The following PTPRG variants were observed in gnomAD, a reference collection of about 807,000 sequenced individuals.
PTPRG encodes the protein protein tyrosine phosphatase receptor type G.
In PTPRG, 102 loss-of-function variants were observed where a neutral mutation model predicts 165.3. That is an observed-to-expected ratio of 0.62 (90% CI 0.53 to 0.73). The LOEUF is 0.73. Ranked by LOEUF, PTPRG falls within the 30% of genes least tolerant of loss-of-function variation. The pLI is 0.00. For synonymous variants in PTPRG, 675 were observed against 669.5 expected (o/e 1.01, Z -0.13); for missense variants, 1,866 against 1,861.4 (o/e 1.00, Z -0.05).
intron 1 of PTPRG, among the ~76,000 whole-genome samples, chr3:61,582,945 C>T (rs1045692261): frequency 1.3e-5 from 2 of 152,032 alleles, no homozygotes; most frequent in South Asian, 2.1e-4. Flanking sequence ...TGTTCAGGAG[C>T]GATAGAATAA....
intron 2 of PTPRG, among the ~76,000 whole-genome samples, chr3:61,847,005 T>C (rs905763767): frequency 6.6e-6 from 1 of 152,170 alleles, no homozygotes; most frequent in Non-Finnish European, 1.5e-5. Context: ...TTCAAATAGA[T>C]GGAAAAATAA....
At chr3:61,876,205 T>C (rs540026011) in intron 2 of PTPRG, among the ~76,000 whole-genome samples, 1 of 152,302 alleles carries the variant, frequency 6.6e-6, no homozygotes, top group African/African-American at 2.4e-5. Context: ...GATTGAGGGA[T>C]ATTCTACAGT....
chr3:61,836,600 A>G (rs888483399), intron 2 of PTPRG, among the ~76,000 whole-genome samples: 2 of 152,226 alleles, frequency 1.3e-5, no homozygotes, highest in African/African-American at 2.4e-5. Context: ...TAGGAATATC[A>G]GATAATAATA....
chr3:61,609,635 T>C (rs1031142926), intron 1 of PTPRG, among the ~76,000 whole-genome samples: 3 of 152,140 alleles, frequency 2.0e-5, no homozygotes, highest in African/African-American at 7.2e-5. Context: ...GTTGGGTGGA[T>C]TGCTTGAGCC....
chr3:61,983,878 G>A (rs554934378), intron 2 of PTPRG, among the ~76,000 whole-genome samples: 1 of 152,226 alleles, frequency 6.6e-6, no homozygotes, highest in Admixed American at 6.5e-5. Flanking sequence ...CAACATTAAG[G>A]TGTTTCTCTC....
intron 2 of PTPRG, among the ~76,000 whole-genome samples, chr3:61,988,059 C>T (rs73085498): frequency 5.3e-5 from 8 of 152,142 alleles, no homozygotes; most frequent in Admixed American, 1.3e-4. Context: ...GAACTTTTTC[C>T]GGATAGTAGC....
intron 1 of PTPRG, among the ~76,000 whole-genome samples, chr3:61,636,650 T>C (rs910329763): frequency 6.6e-6 from 1 of 152,272 alleles, no homozygotes; most frequent in African/African-American, 2.4e-5. Flanking sequence ...ATTTATTTTA[T>C]GGACAAATAA....
At chr3:61,690,540 C>A (rs538665012) in intron 1 of PTPRG, among the ~76,000 whole-genome samples, 37 of 152,332 alleles carry the variant, frequency 2.4e-4, no homozygotes, top group African/African-American at 8.9e-4. Context: ...ACATTCACCA[C>A]AACTAACTGT....
intron 5 of PTPRG, chr3:62,124,414 C>A (rs1000616321): frequency 5.1e-5 from 82 of 1,613,862 alleles, no homozygotes; most frequent in Non-Finnish European, 6.6e-5. Context: ...TGACGTGCTG[C>A]AGGATTTCCA....
At chr3:61,566,350 T>C (rs1699913817) in intron 1 of PTPRG, among the ~76,000 whole-genome samples, 1 of 152,274 alleles carries the variant, frequency 6.6e-6, no homozygotes, top group African/African-American at 2.4e-5. Flanking sequence ...TGCCTTTCTA[T>C]TCTAAACAGC....
rs573923943 is a variant in PTPRG at position 61,725,628 on chromosome 3, A to G, written c.86-23250A>G. On this transcript the variant is annotated intron_variant, in intron 1 of 29. Transcript: ENST00000474889. ...ACTTTAGATATAGAACAAGTCTTGA[A>G]TTTGGATAGAGTGATTCTACCCACT... Among the ~76,000 whole-genome samples the G allele has an allele frequency of 3.3e-5, 5 of 151,822 alleles. No homozygotes were observed. In the East Asian group the frequency reaches 9.7e-4, roughly 29 times the overall value.
chr3:61,742,590 C>T, intron 1 of PTPRG: 1 of 1,597,576 alleles, frequency 6.3e-7, no homozygotes, highest in Non-Finnish European at 8.5e-7. Flanking sequence ...CGGCTGTCAT[C>T]TTCACGTGAC....
intron 1 of PTPRG, among the ~76,000 whole-genome samples, chr3:61,747,784 T>C (rs746758917): frequency 6.6e-6 from 1 of 152,144 alleles, no homozygotes; most frequent in African/African-American, 2.4e-5. Flanking sequence ...CCCAAAACTT[T>C]CTTAAATTTT....
At chr3:61,601,025 C>T (rs148619086) in intron 1 of PTPRG, among the ~76,000 whole-genome samples, 110 of 152,232 alleles carry the variant, frequency 7.2e-4, no homozygotes, top group Admixed American at 3.1e-3. Context: ...GAGGTCGAGG[C>T]GGGCAGATCA....
intron 4 of PTPRG, among the ~76,000 whole-genome samples, chr3:62,013,905 T>G (rs560000353): frequency 1.7e-4 from 26 of 152,238 alleles, no homozygotes; most frequent in Admixed American, 9.8e-4. Context: ...GGAACTCAAA[T>G]AAAGCTGGCT....
intron 2 of PTPRG, chr3:61,769,987 T>C (rs2034159010): frequency 6.6e-6 from 1 of 152,166 alleles, no homozygotes; most frequent in Admixed American, 6.5e-5. Flanking sequence ...TGGAAGAGTA[T>C]AGAATTATTA....
At chr3:62,020,357 G>A (rs1575897421) in intron 4 of PTPRG, among the ~76,000 whole-genome samples, 1 of 152,058 alleles carries the variant, frequency 6.6e-6, no homozygotes, top group African/African-American at 2.4e-5. Flanking sequence ...CTCATTTAAT[G>A]TCATTTCTAA....
At chr3:61,766,732 T>C (rs1315568311) in intron 2 of PTPRG, among the ~76,000 whole-genome samples, 2 of 152,030 alleles carry the variant, frequency 1.3e-5, no homozygotes, top group Non-Finnish European at 2.9e-5. Context: ...TTCTCCTGTC[T>C]CAGCCTCCCT....
chr3:61,707,259 T>A (rs2031310802), intron 1 of PTPRG, among the ~76,000 whole-genome samples: 1 of 152,212 alleles, frequency 6.6e-6, no homozygotes, highest in South Asian at 2.1e-4. Flanking sequence ...TAGTTAGTAT[T>A]TGTATTCATC....
Sources: gnomAD v4.1 joint callset for allele counts (sites outside exome capture counted in the v4.1 genomes callset) on GRCh38, gnomAD v4.1.1 for gene constraint, MANE v1.5 for transcripts, NCBI Gene and HGNC (gene_info 2026-07-23, HGNC 2026-07-21) for gene names.